Variants in CDK13 observed in about 807,000 individuals in gnomAD.
CDK13 encodes cyclin-dependent kinase 13.
Under a neutral mutation model 137.6 loss-of-function variants are expected in CDK13, and 40 were observed. That is an observed-to-expected ratio of 0.29 (90% CI 0.23 to 0.38). The LOEUF is 0.38. CDK13 is among the 10% of genes least tolerant of loss of function. The probability of loss-of-function intolerance (pLI) is 1.00; values close to 1 mark genes in which losing one functional copy is unlikely to be tolerated. For missense variants in CDK13, 1,704 were observed against 1,951.8 expected, an observed-to-expected ratio of 0.87 and a Z score of 2.39; for synonymous variants, 869 against 760.1, an observed-to-expected ratio of 1.14 and a Z score of -2.36.
At chr7:39,971,550 T>G (rs575948320) in intron 1 of CDK13, among the ~76,000 whole-genome samples, 24 of 151,264 alleles carry the variant, frequency 1.6e-4, no homozygotes, top group Non-Finnish European at 3.1e-4. Context: ...AAAAACACTT[T>G]GTATTTTCTA....
chr7:39,967,065 C>T (rs1439404789), intron 1 of CDK13, among the ~76,000 whole-genome samples: 1 of 152,100 alleles, frequency 6.6e-6, no homozygotes, highest in Non-Finnish European at 1.5e-5. Context: ...GTTCAGGGAC[C>T]CACTTGAGGA....
At chr7:40,070,948 A>G (rs1026181287) in intron 9 of CDK13, 2 of 152,204 alleles carry the variant, frequency 1.3e-5, no homozygotes, top group Non-Finnish European at 2.9e-5. Flanking sequence ...CAGTGAAGAA[A>G]TTGAAAGTAG....
rs920498359 is a variant in CDK13, at chr7:39,995,530, T to C, written c.1872-1964T>C. Among the ~76,000 whole-genome samples, 23 of 152,218 alleles carry C rather than the reference T, an allele frequency of 1.5e-4. 1 individual carries two copies. Among genetic ancestry groups the C allele is most frequent in the Admixed American group, 1.3e-3 (20 of 15,282 alleles). Reference sequence around the variant, plus strand: ...CTAGGAATCTGTTTGTGTAACACTTTATCCTACTTCCTACCTGTCTTCCAG... The same window carrying C: ...CTAGGAATCTGTTTGTGTAACACTTCATCCTACTTCCTACCTGTCTTCCAG... On this transcript the variant is annotated intron_variant, in intron 2 of 13. Transcript: ENST00000181839.
intron 2 of CDK13, among the ~76,000 whole-genome samples, chr7:39,988,541 T>C (rs745739382): frequency 1.6e-4 from 24 of 152,166 alleles, no homozygotes; most frequent in Non-Finnish European, 5.9e-5. Context: ...GTATTCTCTT[T>C]GGTTTAGTTT....
chr7:40,056,684 A>C (rs1786026451), intron 7 of CDK13, among the ~76,000 whole-genome samples: 1 of 152,228 alleles, frequency 6.6e-6, no homozygotes, highest in South Asian at 2.1e-4. Flanking sequence ...TGTTGCAGTA[A>C]ATCTAAATAG....
rs1436319298 is a variant in CDK13 at position 39,951,462 on chromosome 7, G to A, written c.821G>A (p.Arg274Gln). ...AGCAGCAGTAGCAGCCGCAAGGACCGGGACTCGAAGGCCCACCGCAGCCGG... is the reference window on the plus strand; with the variant it reads ...AGCAGCAGTAGCAGCCGCAAGGACCAGGACTCGAAGGCCCACCGCAGCCGG... ...TSSSSSSRKD[R>Q]DSKAHRSRTK... Residue 274 changes from arginine (R) to glutamine (Q), a missense_variant, in exon 1 of 14, where the codon CGG becomes CAG. Physicochemically the swap from Arg to Gln is conservative, Grantham distance 43. Around this residue, in one of 5 missense-constraint regions of CDK13, gnomAD observed 1,051 missense variants for 931.0 expected, o/e 1.13. Coordinates refer to ENST00000181839, the MANE Select transcript of CDK13 (RefSeq NM_003718.5). 2.6e-6 allele frequency: 4 copies of A among 1,538,292 alleles called. No homozygotes were observed. The highest frequency in any genetic ancestry group is 3.5e-6 in the Non-Finnish European group (4 of 1,143,184).
chr7:40,002,605 C>T (rs993002570), intron 5 of CDK13, among the ~76,000 whole-genome samples: 11 of 151,904 alleles, frequency 7.2e-5, no homozygotes, highest in African/African-American at 9.7e-5. Flanking sequence ...TTTACATCTT[C>T]GTAAGATTTT....
chr7:40,031,367 C>G (rs1455001552), intron 5 of CDK13, among the ~76,000 whole-genome samples: 1 of 151,912 alleles, frequency 6.6e-6, no homozygotes, highest in African/African-American at 2.4e-5. Context: ...ACTAAAAATA[C>G]AAAAAATAAC....
intron 1 of CDK13, among the ~76,000 whole-genome samples, chr7:39,965,852 G>T (rs1207916116): frequency 6.6e-6 from 1 of 152,200 alleles, no homozygotes; most frequent in East Asian, 1.9e-4. Context: ...GTCTGTTAAG[G>T]ATTTTATTTC....
At chr7:39,952,110 G>A in intron 1 of CDK13, 1 of 373,870 alleles carries the variant, frequency 2.7e-6, no homozygotes, top group South Asian at 1.5e-4. Context: ...AGAATTAAAA[G>A]TTTCAGACTT....
chr7:40,031,864 ATTG>A (rs902347157), intron 5 of CDK13, among the ~76,000 whole-genome samples: 7 of 138,378 alleles, frequency 5.1e-5, no homozygotes, highest in African/African-American at 1.5e-4. Flanking sequence ...TATTATTATT[ATTG>A]GGAGAAATGG....
chr7:39,976,323 T>TCTCTCTCTCTCTCTCTCTCCCA, intron 1 of CDK13, among the ~76,000 whole-genome samples: 3 of 39,550 alleles, frequency 7.6e-5, no homozygotes, highest in East Asian at 7.0e-4. Context: ...TCTCTCTCTC[T>TCTCTCTCTCTCTCTCTCTCCCA]CACACACACA....
chr7:39,989,374 C>CTA (rs1784410812), intron 2 of CDK13, among the ~76,000 whole-genome samples: 1 of 150,372 alleles, frequency 6.7e-6, no homozygotes, highest in South Asian at 2.1e-4. Context: ...TAAAAAGCAA[C>CTA]TATATGAGTA....
At chr7:40,028,181 C>T (rs1785285843) in intron 5 of CDK13, among the ~76,000 whole-genome samples, 1 of 149,960 alleles carries the variant, frequency 6.7e-6, no homozygotes, top group African/African-American at 2.5e-5. Context: ...GAAGTCAGAT[C>T]CTTTGTGATT....
chr7:40,042,515 A>G (rs1306505925), intron 5 of CDK13, among the ~76,000 whole-genome samples: 10 of 103,412 alleles, frequency 9.7e-5, no homozygotes, highest in Non-Finnish European at 1.8e-4. Flanking sequence ...GGTTCACTCT[A>G]TCACCCGGGC....
chr7:39,981,813 A>T (rs1430576658), intron 1 of CDK13, among the ~76,000 whole-genome samples: 1 of 145,268 alleles, frequency 6.9e-6, no homozygotes, highest in Non-Finnish European at 1.5e-5. Flanking sequence ...TTTTTTTGAG[A>T]CGGAGTCTCG....
chr7:39,971,486 C>T (rs1305391070), intron 1 of CDK13, among the ~76,000 whole-genome samples: 1 of 152,112 alleles, frequency 6.6e-6, no homozygotes, highest in Non-Finnish European at 1.5e-5. Flanking sequence ...CACTACACTC[C>T]AGCCTGGGCA....
chr7:40,050,892 C>G (rs1050251071), intron 7 of CDK13, among the ~76,000 whole-genome samples: 1 of 152,106 alleles, frequency 6.6e-6, no homozygotes, highest in African/African-American at 2.4e-5. Context: ...CTAATAGATT[C>G]TTGTTATGCA....
rs924125177 is a variant in CDK13, at chr7:39,951,365, C to T, written c.724C>T (p.Arg242Trp). The change falls in exon 1 of 14, where the codon CGG (arginine) becomes TGG (tryptophan). Residue 242 changes from arginine to tryptophan, a missense_variant. Physicochemically the swap from Arg to Trp is moderately radical, Grantham distance 101. This residue lies in a region of CDK13 where 1,051 missense variants were observed against 931.0 expected (regional missense o/e 1.13). Transcript: ENST00000181839. ...CCGCCACAGCCACAGCGGCGAGGAA[C>T]GGGCCGAGGTCGCCAAGAGCGGCAG... ...RSRHSHSGEERAEVAKSGSSS... is the reference protein window; with the variant it reads ...RSRHSHSGEEWAEVAKSGSSS... 4.0e-6 allele frequency: 6 copies of T among 1,503,180 alleles called. No homozygotes were observed. The East Asian group carries it at 8.2e-5, about 21-fold the overall frequency. The allele number at this position is 1,503,180 out of a possible 1,614,324, so 93.1% of individuals were successfully genotyped here.
Sources: gnomAD v4.1 joint callset for allele counts (sites outside exome capture counted in the v4.1 genomes callset) on GRCh38, gnomAD v4.1.1 for gene constraint, gnomAD v4.1.1 regional missense constraint, MANE v1.5 for transcripts, NCBI Gene and HGNC (gene_info 2026-07-23, HGNC 2026-07-21) for gene names.